The following PLA2G4C variants were observed in gnomAD, a reference collection of about 807,000 sequenced individuals.
PLA2G4C encodes the protein cytosolic phospholipase A2 gamma.
A neutral mutation model predicts 73.8 loss-of-function variants in PLA2G4C; 64 were observed. The observed-to-expected ratio is 0.87, with a 90% CI of 0.71 to 1.07. The LOEUF (loss-of-function observed/expected upper bound fraction) is 1.07. Ranked by LOEUF, PLA2G4C falls within the 50% of genes least tolerant of loss-of-function variation. The pLI is 0.00. For synonymous variants in PLA2G4C, 254 were observed against 252.1 expected, an observed-to-expected ratio of 1.01 and a Z score of -0.07; for missense variants, 622 against 665.4, an observed-to-expected ratio of 0.93 and a Z score of 0.72.
At chr19:48,054,562 G>T (rs1484185189) in intron 15 of PLA2G4C, among the ~76,000 whole-genome samples, 1 of 151,214 alleles carries the variant, frequency 6.6e-6, no homozygotes. Context: ...TGATCCGCCC[G>T]CCTCAGCCTC....
rs567318332 is a variant in PLA2G4C at position 48,110,556 on chromosome 19, T to TGGGCTCCGGAATCCGGTGCGGAGGCTG, written c.-103_-102insCAGCCTCCGCACCGGATTCCGGAGCCC. The TGGGCTCCGGAATCCGGTGCGGAGGCTG allele has an allele frequency of 2.0e-6, 3 of 1,490,840 alleles. No homozygotes were observed. Among genetic ancestry groups the TGGGCTCCGGAATCCGGTGCGGAGGCTG allele is most frequent in the South Asian group, 2.5e-5 (2 of 80,258 alleles). 92.4% of individuals were successfully genotyped at this position (1,490,840 alleles called of 1,614,324 possible). ...TGCTCCGGAATCCGGTGCGGAGGCT[T>TGGGCTCCGGAATCCGGTGCGGAGGCTG]GGGCTCCCTGCGCTTAGCGGTGTAG... On this transcript the variant is annotated 5_prime_UTR_variant, in exon 1 of 17. Transcript: ENST00000599921.
rs2032070597 is a variant in PLA2G4C, at chr19:48,104,574, T to C, written c.257+14A>G. ...ATGTGTCAGAAAGCAATCTGAAACA[T>C]GAGTGATGCTTACCAAGTGGATCCA... On this transcript the variant is annotated intron_variant, in intron 4 of 16. Coordinates refer to ENST00000599921, the MANE Select transcript of PLA2G4C (RefSeq NM_003706.3). 6.2e-7 allele frequency: 1 copy of C among 1,612,522 alleles called. No homozygotes were observed. The highest frequency in any genetic ancestry group is 1.1e-5 in the South Asian group (1 of 90,854).
chr19:48,095,659 A>G (rs156632), intron 6 of PLA2G4C, 55 bp from the exon 7 acceptor site: 1,581,349 of 1,583,552 alleles, frequency 1, 789,578 homozygotes, highest in East Asian at 1. Context: ...GGAATGTAGC[A>G]GGTATGCAGG....
intron 11 of PLA2G4C, among the ~76,000 whole-genome samples, chr19:48,075,848 T>C (rs2030116657): frequency 6.6e-6 from 1 of 152,170 alleles, no homozygotes; most frequent in African/African-American, 2.4e-5. Context: ...AGTGGTACAA[T>C]CACCAGCCTA....
At chr19:48,097,280 T>C (rs1254115408) in intron 6 of PLA2G4C, among the ~76,000 whole-genome samples, 1 of 132,372 alleles carries the variant, frequency 7.6e-6, no homozygotes, top group Non-Finnish European at 1.6e-5. Context: ...TGAGACGGAG[T>C]CTTGCTCTGT....
intron 13 of PLA2G4C, among the ~76,000 whole-genome samples, chr19:48,063,279 T>G (rs1968265806): frequency 6.6e-6 from 1 of 151,980 alleles, no homozygotes; most frequent in East Asian, 1.9e-4. Context: ...CCTGACCTCG[T>G]GATCTACCCG....
intron 10 of PLA2G4C, among the ~76,000 whole-genome samples, chr19:48,079,069 T>C (rs1287616850): frequency 1.3e-5 from 2 of 152,152 alleles, no homozygotes; most frequent in East Asian, 3.9e-4. Flanking sequence ...GGTTTCGCCA[T>C]GTTGGCCAGG....
chr19:48,095,124 G>A (rs1457366142), intron 7 of PLA2G4C, among the ~76,000 whole-genome samples: 2 of 152,090 alleles, frequency 1.3e-5, no homozygotes, highest in Non-Finnish European at 2.9e-5. Context: ...CCAGTCTCAA[G>A]GGATCCTCCC....
At chr19:48,108,195 C>A (rs745659875) in intron 1 of PLA2G4C, among the ~76,000 whole-genome samples, 1 of 152,152 alleles carries the variant, frequency 6.6e-6, no homozygotes, top group Non-Finnish European at 1.5e-5. Flanking sequence ...CCTACAGTGG[C>A]GCAATCATAG....
At chr19:48,098,001 G>A (rs1600244881) in intron 6 of PLA2G4C, 138 bp downstream of exon 6, 2 of 896,924 alleles carry the variant, frequency 2.2e-6, no homozygotes, top group Middle Eastern at 3.5e-4. Flanking sequence ...CGTCTAAGCT[G>A]AGCACCCTGT....
At chr19:48,100,155 G>T in intron 4 of PLA2G4C, 1 of 296,726 alleles carries the variant, frequency 3.4e-6, no homozygotes, top group Non-Finnish European at 6.2e-6. Flanking sequence ...CTTATTAAAA[G>T]GTTTATATGT....
At chr19:48,067,744 T>C (rs1438320678) in intron 13 of PLA2G4C, 47 bp downstream of exon 13, 2 of 1,272,734 alleles carry the variant, frequency 1.6e-6, no homozygotes, top group Admixed American at 1.7e-5. Context: ...CTCCAGCCCA[T>C]TCACACGCAA....
chr19:48,094,870 T>TCTTGTTTG (rs2031486713), intron 7 of PLA2G4C, among the ~76,000 whole-genome samples: 1 of 151,648 alleles, frequency 6.6e-6, no homozygotes. Context: ...CATTCTAGTT[T>TCTTGTTTG]TTTGTTTGTT....
chr19:48,052,201 T>C (rs1967753713), intron 16 of PLA2G4C: 1 of 152,332 alleles, frequency 6.6e-6, no homozygotes, highest in Non-Finnish European at 1.5e-5. Context: ...TTTTTCCTTT[T>C]GGCATAGTGA....
At chr19:48,091,876 T>C (rs2031315880) in intron 7 of PLA2G4C, among the ~76,000 whole-genome samples, 1 of 91,820 alleles carries the variant, frequency 1.1e-5, no homozygotes, top group African/African-American at 5.0e-5. Context: ...AGAGTGAGAC[T>C]CCATCTCAAA....
At chr19:48,062,564 C>T (rs372132397) in intron 13 of PLA2G4C, among the ~76,000 whole-genome samples, 14 of 152,190 alleles carry the variant, frequency 9.2e-5, no homozygotes, top group Non-Finnish European at 1.3e-4. Flanking sequence ...GAGCTGAGAT[C>T]GCGCCACTGC....
intron 12 of PLA2G4C, among the ~76,000 whole-genome samples, chr19:48,069,695 G>A (rs561387109): frequency 2.4e-4 from 37 of 152,124 alleles, no homozygotes; most frequent in Non-Finnish European, 4.7e-4. Flanking sequence ...GGAGGTGGGT[G>A]CTTGAGCTAG....
chr19:48,080,993 CAAAA>C (rs34388817), intron 10 of PLA2G4C, among the ~76,000 whole-genome samples: 5 of 102,876 alleles, frequency 4.9e-5, no homozygotes, highest in East Asian at 2.8e-4. Flanking sequence ...ACTAAAAATA[CAAAA>C]AAAAAAAAAA....
In PLA2G4C at chr19:48,054,247, G is replaced by C. The variant is rs561215367; in HGVS notation, c.1429+631C>G. 7.9e-5 allele frequency among the ~76,000 whole-genome samples: 12 copies of C among 152,244 alleles called. No individual in the cohort carries two copies. The South Asian group carries it at 2.5e-3, about 32-fold the overall frequency. On this transcript the variant is annotated intron_variant, in intron 15 of 16. Coordinates refer to ENST00000599921, the MANE Select transcript of PLA2G4C (RefSeq NM_003706.3). ...GGGAGGTAATTGAAGCATGGAAGTG[G>C]TTACCCTCATGCTGTTCTCGTGACA...
Sources: allele counts gnomAD v4.1 joint callset (sites outside exome capture counted in the v4.1 genomes callset), GRCh38; gene constraint gnomAD v4.1.1; transcripts MANE v1.5; gene names NCBI Gene and HGNC (gene_info 2026-07-23, HGNC 2026-07-21).